Variants in VSTM5 observed in about 807,000 individuals in gnomAD.
VSTM5 encodes V-set and transmembrane domain containing 5.
Under a neutral mutation model 20.3 loss-of-function variants are expected in VSTM5, and 21 were observed. The observed-to-expected ratio is 1.03, with a 90% CI of 0.73 to 1.49. The LOEUF is 1.49. Among genes scored for constraint, VSTM5 ranks in the 40% most tolerant of loss-of-function variants. The pLI is 0.00. For missense variants in VSTM5, 219 were observed against 250.0 expected (o/e 0.88, Z 0.84); for synonymous variants, 100 against 102.5 (o/e 0.98, Z 0.14).
rs1286268046 is a variant in VSTM5, at chr11:93,818,325, C to G, written c.*2244G>C. ...TAGCTTAACATTTACACTAGCTAAT[C>G]TCTAAGATTTTTATTTTTCTGAAAA... is the stretch of plus-strand genomic sequence containing the variant. On this transcript the variant is annotated 3_prime_UTR_variant, in exon 4 of 4. Transcript: ENST00000409977. 1 of 151,950 alleles carries G rather than the reference C, an allele frequency of 6.6e-6. No homozygotes were observed. The highest frequency in any genetic ancestry group is 1.5e-5 in the Non-Finnish European group (1 of 68,004). The allele number at this position is 151,950 out of a possible 1,614,324, so 9.4% of individuals were successfully genotyped here.
At chr11:93,831,437 A>G (rs1051383873) in intron 1 of VSTM5, among the ~76,000 whole-genome samples, 9 of 152,174 alleles carry the variant, frequency 5.9e-5, no homozygotes, top group Admixed American at 5.9e-4. Flanking sequence ...ACCTCCAAGT[A>G]ATAGCTTTCC....
At chr11:93,833,623 C>T (rs77514098) in intron 1 of VSTM5, among the ~76,000 whole-genome samples, 6,285 of 152,230 alleles carry the variant, frequency 0.041, 409 homozygotes, top group African/African-American at 0.14. Context: ...TATATTTCTA[C>T]TGGAAAATGT....
rs1475880526 is a variant in VSTM5 at position 93,820,587 on chromosome 11, C to G, written c.585G>C (p.Leu195=). 27 of 1,551,802 alleles carry G rather than the reference C, an allele frequency of 1.7e-5. No individual in the cohort carries two copies. The highest frequency in any genetic ancestry group is 2.3e-5 in the Non-Finnish European group (26 of 1,147,052). The part of the protein sequence containing the change: ...LKESTTEEIE[L]EDVEC ...GCCTTGGCTAACACTCAACATCTTC[C>G]AGCTCAATCTCCTCAGTTGTGCTTT... The change falls in exon 4 of 4, where the codon CTG becomes CTC. Residue 195 remains leucine (L), a synonymous_variant. Coordinates refer to ENST00000409977, the MANE Select transcript of VSTM5 (RefSeq NM_001144871.2).
chr11:93,830,958 A>T (rs1451161100), intron 1 of VSTM5, among the ~76,000 whole-genome samples: 1 of 151,862 alleles, frequency 6.6e-6, no homozygotes, highest in Admixed American at 6.6e-5. Flanking sequence ...GGGTTTTGCC[A>T]TGTTGCCCAA....
At chr11:93,839,184 T>C (rs1342939489) in intron 1 of VSTM5, among the ~76,000 whole-genome samples, 1 of 152,234 alleles carries the variant, frequency 6.6e-6, no homozygotes, top group Non-Finnish European at 1.5e-5. Context: ...CGGGGCCTCT[T>C]AGACCCTGTG....
chr11:93,830,726 G>C (rs1227397944), intron 1 of VSTM5, among the ~76,000 whole-genome samples: 1 of 151,974 alleles, frequency 6.6e-6, no homozygotes, highest in East Asian at 1.9e-4. Flanking sequence ...CAGCTAGCAG[G>C]AGAAACAGCA....
At chr11:93,839,989 G>A (rs1394885250) in intron 1 of VSTM5, among the ~76,000 whole-genome samples, 2 of 152,166 alleles carry the variant, frequency 1.3e-5, no homozygotes, top group African/African-American at 4.8e-5. Context: ...ATCAGAGGAT[G>A]CATCTGCAAG....
Position 93,850,612 on chromosome 11 carries a change from G to T in VSTM5, c.-110C>A. ...CTCTGGCTGCCGCAGGTTCTTTAGG[G>T]CCAGATGCAGATGAGCTGGTTGTAC... On this transcript the variant is annotated 5_prime_UTR_variant, in exon 1 of 4. Transcript: ENST00000409977. 2 of 493,872 alleles carry T rather than the reference G, an allele frequency of 4.0e-6. No homozygotes were observed. Among genetic ancestry groups the T allele is most frequent in the Non-Finnish European group, 6.1e-6 (2 of 325,754 alleles). The allele number at this position is 493,872 out of a possible 1,614,324, so 30.6% of individuals were successfully genotyped here. A position where few individuals can be genotyped will look rare whatever the true frequency, so the allele number is the denominator to read the frequency against.
At chr11:93,846,987 G>C (rs575128117) in intron 1 of VSTM5, among the ~76,000 whole-genome samples, 1 of 152,000 alleles carries the variant, frequency 6.6e-6, no homozygotes, top group Admixed American at 6.5e-5. Flanking sequence ...GGATGGTCTC[G>C]ATCTCTTGAC....
At chr11:93,823,593 A>G (rs1185777277) in intron 1 of VSTM5, among the ~76,000 whole-genome samples, 1 of 152,084 alleles carries the variant, frequency 6.6e-6, no homozygotes, top group African/African-American at 2.4e-5. Context: ...TATGAGTTCA[A>G]TTTTTTTAGA....
intron 1 of VSTM5, among the ~76,000 whole-genome samples, chr11:93,837,579 A>C (rs1297312954): frequency 6.6e-6 from 1 of 152,132 alleles, no homozygotes. Flanking sequence ...ACTTTGGCCA[A>C]GTCAGCTCAA....
At chr11:93,830,356 TAGTG>T (rs1944271867) in intron 1 of VSTM5, among the ~76,000 whole-genome samples, 1 of 152,184 alleles carries the variant, frequency 6.6e-6, no homozygotes, top group Non-Finnish European at 1.5e-5. Flanking sequence ...CGGGAACAGC[TAGTG>T]GTGCCCTGCA....
rs1056220526 is a variant in VSTM5 at position 93,818,334 on chromosome 11, T to A, written c.*2235A>T. On this transcript the variant is annotated 3_prime_UTR_variant, in exon 4 of 4. Transcript: ENST00000409977. ...ATTTACACTAGCTAATCTCTAAGAT[T>A]TTTATTTTTCTGAAAAGCAAAAACC... is the stretch of plus-strand genomic sequence containing the variant. 2.0e-5 allele frequency: 3 copies of A among 152,168 alleles called. No homozygotes were observed. The highest frequency in any genetic ancestry group is 4.8e-5 in the African/African-American group (2 of 41,436). 9.4% of individuals were successfully genotyped at this position (152,168 alleles called of 1,614,324 possible).
chr11:93,837,721 TAAAC>T (rs1363039819), intron 1 of VSTM5, among the ~76,000 whole-genome samples: 3 of 151,972 alleles, frequency 2.0e-5, no homozygotes, highest in Non-Finnish European at 4.4e-5. Context: ...ACCCCACAAA[TAAAC>T]AATAAATGGT....
Position 93,820,851 on chromosome 11 carries a change from C to G in VSTM5, c.451G>C (p.Val151Leu), listed in dbSNP as rs114935787. Residue 151 changes from valine (V) to leucine (L), a missense_variant, in exon 3 of 4, where the codon GTC becomes CTC. Transcript: ENST00000409977. ...ILYEDLHFVA[V>L]ILAFLAAVAA... ...ACAGCAGCGAGAAAAGCAAGGATGA[C>G]AGCGACAAAGTGCAGGTCTTCATAG... 1,232 of 1,550,558 alleles carry G rather than the reference C, an allele frequency of 7.9e-4. 7 individuals are homozygous for G. The African/African-American group carries it at 0.015, about 19-fold the overall frequency.
chr11:93,850,125 A>G (rs1944446172), intron 1 of VSTM5, among the ~76,000 whole-genome samples: 1 of 152,046 alleles, frequency 6.6e-6, no homozygotes, highest in Non-Finnish European at 1.5e-5. Context: ...TGATAACCGT[A>G]GGCCGGGCTC....
At chr11:93,836,308 A>C (rs1272668454) in intron 1 of VSTM5, among the ~76,000 whole-genome samples, 1 of 152,188 alleles carries the variant, frequency 6.6e-6, no homozygotes. Context: ...TCAAAACTTC[A>C]TTGTATTTTG....
At chr11:93,837,348 T>G (rs1005699093) in intron 1 of VSTM5, among the ~76,000 whole-genome samples, 3 of 152,056 alleles carry the variant, frequency 2.0e-5, no homozygotes, top group Admixed American at 1.3e-4. Flanking sequence ...ATATTTTTGA[T>G]CCTTCCGTCT....
chr11:93,842,293 G>A (rs1308328562), intron 1 of VSTM5, among the ~76,000 whole-genome samples: 2 of 152,182 alleles, frequency 1.3e-5, no homozygotes, highest in African/African-American at 4.8e-5. Flanking sequence ...GAGGAGGCTG[G>A]TTCTTCTGCT....
Sources: allele counts gnomAD v4.1 joint callset (sites outside exome capture counted in the v4.1 genomes callset), GRCh38; gene constraint gnomAD v4.1.1; transcripts MANE v1.5; gene names NCBI Gene and HGNC (gene_info 2026-07-23, HGNC 2026-07-21).